Variants in KCNH7 observed in about 807,000 individuals in gnomAD.
KCNH7 encodes the protein voltage-gated inwardly rectifying potassium channel KCNH7.
KCNH7 carries 49 observed loss-of-function variants against 120.8 expected under a neutral mutation model. The observed-to-expected ratio is 0.41, with a 90% CI of 0.32 to 0.51. The LOEUF (loss-of-function observed/expected upper bound fraction) is 0.51, where lower values mean the gene tolerates loss of function less well. Ranked by LOEUF, KCNH7 falls within the 20% of genes least tolerant of loss-of-function variation. The pLI, the probability that KCNH7 is intolerant of heterozygous loss-of-function variation, is 0.38. For synonymous variants in KCNH7, 547 were observed against 516.1 expected, an observed-to-expected ratio of 1.06 and a Z score of -0.81; for missense variants, 1,097 against 1,446.6, an observed-to-expected ratio of 0.76 and a Z score of 3.92.
intron 2 of KCNH7, among the ~76,000 whole-genome samples, chr2:162,579,842 T>C (rs1201278232): frequency 6.6e-6 from 1 of 151,954 alleles, no homozygotes; most frequent in Non-Finnish European, 1.5e-5. Flanking sequence ...GGCTGACAAC[T>C]GGAACTGTGG....
At chr2:162,494,065 A>G (rs1485841982) in intron 6 of KCNH7, among the ~76,000 whole-genome samples, 12 of 152,178 alleles carry the variant, frequency 7.9e-5, no homozygotes, top group Admixed American at 7.9e-4. Context: ...AAAGGTTTAC[A>G]AGAATCTCAC....
rs71410015 is a variant in KCNH7 at position 162,558,503 on chromosome 2, C to CTTTTTT, written c.308-21429_308-21424dup. Reference sequence around the variant, plus strand: ...TCTTTCTTTTGCATTTTCTCAATGGCTTTTTTTTTTTTTTTTTTTTTTGCC... The same window carrying CTTTTTT: ...TCTTTCTTTTGCATTTTCTCAATGGCTTTTTTTTTTTTTTTTTTTTTTTTTTTTGCC... On this transcript the variant is annotated intron_variant, in intron 2 of 15. Coordinates refer to ENST00000332142, the MANE Select transcript of KCNH7 (RefSeq NM_033272.4). Among the ~76,000 whole-genome samples, 71 of 80,684 alleles carry CTTTTTT rather than the reference C, an allele frequency of 8.8e-4. 5 individuals carry two copies. Among genetic ancestry groups the CTTTTTT allele is most frequent in the African/African-American group, 3.1e-3 (64 of 20,590 alleles). The allele number at this position is 80,684 out of a possible 152,430, so 52.9% of individuals were successfully genotyped here.
intron 6 of KCNH7, among the ~76,000 whole-genome samples, chr2:162,471,303 A>G (rs1689519431): frequency 6.6e-6 from 1 of 151,988 alleles, no homozygotes; most frequent in African/African-American, 2.4e-5. Context: ...GACTAGGTGA[A>G]GCCCAGGAAT....
chr2:162,670,348 C>A (rs1685300543), intron 2 of KCNH7, among the ~76,000 whole-genome samples: 1 of 151,022 alleles, frequency 6.6e-6, no homozygotes, highest in African/African-American at 2.4e-5. Flanking sequence ...GTGGCGCATG[C>A]CTGTAGTCTT....
At chr2:162,574,595 T>C (rs1693606512) in intron 2 of KCNH7, among the ~76,000 whole-genome samples, 1 of 152,100 alleles carries the variant, frequency 6.6e-6, no homozygotes, top group Admixed American at 6.6e-5. Context: ...ATGTAAGTAT[T>C]CAATGTTATG....
chr2:162,393,998 GAGA>G (rs1286609120), intron 12 of KCNH7, among the ~76,000 whole-genome samples: 4 of 151,974 alleles, frequency 2.6e-5, no homozygotes, highest in Admixed American at 1.3e-4. Flanking sequence ...ATCTGAGGAT[GAGA>G]AGGACTAACA....
chr2:162,457,611 C>T (rs1689012269), intron 6 of KCNH7, among the ~76,000 whole-genome samples: 1 of 151,948 alleles, frequency 6.6e-6, no homozygotes, highest in Non-Finnish European at 1.5e-5. Context: ...TTAGTAACTA[C>T]TCTTCACTTT....
At chr2:162,677,650 T>C (rs1195457070) in intron 2 of KCNH7, among the ~76,000 whole-genome samples, 1 of 151,554 alleles carries the variant, frequency 6.6e-6, no homozygotes, top group African/African-American at 2.4e-5. Context: ...ACTCTTGTAG[T>C]TTCTTTTGGC....
intron 2 of KCNH7, among the ~76,000 whole-genome samples, chr2:162,724,427 C>T (rs1274889698): frequency 6.6e-6 from 1 of 152,034 alleles, no homozygotes; most frequent in Non-Finnish European, 1.5e-5. Context: ...AATCCCAGCA[C>T]TTTGGGAGGC....
intron 6 of KCNH7, among the ~76,000 whole-genome samples, chr2:162,469,620 C>A (rs1573995642): frequency 6.6e-6 from 1 of 152,122 alleles, no homozygotes; most frequent in Non-Finnish European, 1.5e-5. Context: ...GGTCCTCGAG[C>A]CTTTTTTATG....
At chr2:162,655,600 C>T (rs1021176772) in intron 2 of KCNH7, among the ~76,000 whole-genome samples, 2 of 151,258 alleles carry the variant, frequency 1.3e-5, no homozygotes, top group African/African-American at 2.4e-5. Context: ...TCCTGGCCAA[C>T]AAGGTGAAAC....
In KCNH7 at chr2:162,763,759, G is replaced by A. The variant is rs924205328; in HGVS notation, c.307+72778C>T. ...TGTGTGTGTGTGTGTGTGTGTGTGT[G>A]TGTGTGTGTGTGTTTTGCTTTTGTT... On this transcript the variant is annotated intron_variant, in intron 2 of 15. Transcript: ENST00000332142. Among the ~76,000 whole-genome samples the A allele has an allele frequency of 2.4e-4, 35 of 146,846 alleles. No individual in the cohort carries two copies. In the South Asian group the frequency reaches 6.9e-3, roughly 29 times the overall value.
chr2:162,578,928 G>GTT (rs201303587), intron 2 of KCNH7, among the ~76,000 whole-genome samples: 5 of 146,916 alleles, frequency 3.4e-5, no homozygotes, highest in East Asian at 4.0e-4. Context: ...AGATTTATGA[G>GTT]TTTTTTTTTT....
chr2:162,526,241 A>C, intron 3 of KCNH7, among the ~76,000 whole-genome samples: 1 of 151,934 alleles, frequency 6.6e-6, no homozygotes, highest in East Asian at 1.9e-4. Context: ...ATAAGATATC[A>C]CAAGGCAAAT....
intron 5 of KCNH7, among the ~76,000 whole-genome samples, chr2:162,506,309 C>A (rs1249189257): frequency 6.6e-6 from 1 of 151,838 alleles, no homozygotes; most frequent in Admixed American, 6.6e-5. Context: ...CTCCGTTCTT[C>A]AGGTCTTTTT....
chr2:162,562,290 A>G (rs779563189), intron 2 of KCNH7, among the ~76,000 whole-genome samples: 1 of 152,218 alleles, frequency 6.6e-6, no homozygotes. Context: ...TGGTTGATGT[A>G]TAATATGAAT....
chr2:162,466,607 G>A (rs758190927), intron 6 of KCNH7, among the ~76,000 whole-genome samples: 1 of 152,160 alleles, frequency 6.6e-6, no homozygotes, highest in South Asian at 2.1e-4. Context: ...TCTGTGATTT[G>A]TTGTGTTTTC....
chr2:162,669,435 T>C (rs1685258530), intron 2 of KCNH7, among the ~76,000 whole-genome samples: 1 of 152,158 alleles, frequency 6.6e-6, no homozygotes, highest in Non-Finnish European at 1.5e-5. Flanking sequence ...AATCTTCAAA[T>C]TGCTGAAAGA....
intron 2 of KCNH7, among the ~76,000 whole-genome samples, chr2:162,642,983 A>G (rs1040076884): frequency 6.6e-6 from 1 of 152,238 alleles, no homozygotes; most frequent in Non-Finnish European, 1.5e-5. Context: ...ATATGGTTTG[A>G]GAATTTTAAG....
Sources: allele counts gnomAD v4.1 joint callset (sites outside exome capture counted in the v4.1 genomes callset), GRCh38; gene constraint gnomAD v4.1.1; transcripts MANE v1.5; gene names NCBI Gene and HGNC (gene_info 2026-07-23, HGNC 2026-07-21).